Variants in ALOX15 observed in about 807,000 individuals in gnomAD.
ALOX15 encodes the protein polyunsaturated fatty acid lipoxygenase ALOX15.
In ALOX15, 68 loss-of-function variants were observed where a neutral mutation model predicts 71.7. The ratio of observed to expected loss-of-function variants is 0.95; its 90% CI spans 0.78 to 1.16. The LOEUF (loss-of-function observed/expected upper bound fraction) is 1.16. Ranked by LOEUF, ALOX15 falls within the 50% of genes most tolerant of loss-of-function variation. The probability of loss-of-function intolerance (pLI) is 0.00; values close to 1 mark genes in which losing one functional copy is unlikely to be tolerated. For synonymous variants in ALOX15, 346 were observed against 333.3 expected (o/e 1.04, Z -0.42); for missense variants, 798 against 818.8 (o/e 0.97, Z 0.31).
At chr17:4,639,844 G>GGTGC (rs1911256422) in intron 1 of ALOX15, 1 of 550,612 alleles carries the variant, frequency 1.8e-6, no homozygotes, top group Admixed American at 3.4e-5. Flanking sequence ...CAGGTGGGAA[G>GGTGC]GTGCGCTCCT....
intron 8 of ALOX15, among the ~76,000 whole-genome samples, chr17:4,633,945 T>C (rs985794744): frequency 2.6e-5 from 4 of 152,168 alleles, no homozygotes; most frequent in Admixed American, 2.6e-4. Flanking sequence ...AAGCCAAATA[T>C]GGTATGTTCT....
chr17:4,631,813 T>C (rs368917713), intron 13 of ALOX15, 34 bp from the exon 14 acceptor site: 5 of 1,612,356 alleles, frequency 3.1e-6, no homozygotes, highest in Non-Finnish European at 4.2e-6. Context: ...CTGAGAGCCT[T>C]ATGACCCCCA....
Position 4,641,665 on chromosome 17 carries a change from G to A in ALOX15, c.-14C>T. On this transcript the variant is annotated 5_prime_UTR_variant, in exon 1 of 14. Transcript: ENST00000293761. ...GTAGAGACCCATCTTGCTCAAAGATGTTTCGCTCCTTCTGGTGGAGAAGGG... is the reference window on the plus strand; with the variant it reads ...GTAGAGACCCATCTTGCTCAAAGATATTTCGCTCCTTCTGGTGGAGAAGGG... 6.4e-7 allele frequency: 1 copy of A among 1,561,656 alleles called. No homozygotes were observed. The highest frequency in any genetic ancestry group is 8.6e-7 in the Non-Finnish European group (1 of 1,161,194).
intron 2 of ALOX15, 26 bp from the exon 3 acceptor site, chr17:4,639,158 C>T (rs766329494): frequency 1.2e-6 from 2 of 1,613,726 alleles, no homozygotes; most frequent in South Asian, 2.2e-5. Context: ...AGGACTTGGC[C>T]AGTGACTTTT....
In ALOX15 at chr17:4,635,430, C is replaced by CAA. The variant is rs56193749; in HGVS notation, c.1161+327_1161+328dup. On this transcript the variant is annotated intron_variant, in intron 8 of 13. Transcript: ENST00000293761. ...GTCTGGGCAAAGGGAGACTCCATCT[C>CAA]AAAAAAAAAAAAAAAATCAATGTCT... 1.2e-3 allele frequency among the ~76,000 whole-genome samples: 163 copies of CAA among 131,188 alleles called. 1 individual carries two copies. Among genetic ancestry groups the CAA allele is most frequent in the African/African-American group, 4.7e-3 (157 of 33,530 alleles). The allele number at this position is 131,188 out of a possible 152,430, so 86.1% of individuals were successfully genotyped here. A position where few individuals can be genotyped will look rare whatever the true frequency, so the allele number is the denominator to read the frequency against.
intron 7 of ALOX15, 119 bp from the exon 8 acceptor site, chr17:4,636,087 T>C (rs553467342): frequency 4.6e-6 from 5 of 1,092,348 alleles, no homozygotes; most frequent in African/African-American, 1.6e-5. Flanking sequence ...TTTCCCCATC[T>C]CACTCCTGCC....
Position 4,633,170 on chromosome 17 carries a change from A to G in ALOX15, c.1394T>C (p.Leu465Pro). The G allele has an allele frequency of 6.2e-7, 1 of 1,614,100 alleles. No homozygotes were observed. Among genetic ancestry groups the G allele is most frequent in the Non-Finnish European group, 8.5e-7 (1 of 1,179,990 alleles). Residue 465 changes from leucine to proline, a missense_variant, in exon 10 of 14, where the codon CTG (leucine) becomes CCG (proline). By Grantham distance (98) the Leu-to-Pro change is moderately conservative. This residue lies in a region of ALOX15 where 490 missense variants were observed against 509.4 expected (regional missense o/e 0.96). Transcript: ENST00000293761. ...CCGATAGATGATTTCCCAGAGCCGC[A>G]GCGCATCTTGGGCATAGAAGGAAGA... ...VKSSFYAQDALRLWEIIYRYV... is the reference protein window; with the variant it reads ...VKSSFYAQDAPRLWEIIYRYV...
In ALOX15 at chr17:4,632,902, C is replaced by T. The variant is rs920143506; in HGVS notation, c.1499G>A (p.Arg500Gln). The T allele has an allele frequency of 2.5e-6, 4 of 1,613,980 alleles. No homozygotes were observed. Among genetic ancestry groups the T allele is most frequent in the African/African-American group, 1.3e-5 (1 of 74,896 alleles). ...TTGCAGCCCGATTTCAGTGATCTCT[C>T]GACACCAGGTCTGCAGCTCTGGGTC... ...KDDPELQTWC[R>Q]EITEIGLQGA... The change falls in exon 11 of 14, where the codon CGA becomes CAA. Residue 500 changes from arginine (R) to glutamine (Q), a missense_variant. Coordinates refer to ENST00000293761, the MANE Select transcript of ALOX15 (RefSeq NM_001140.5).
rs1046202132 is a variant in ALOX15, at chr17:4,633,141, C to T, written c.1418+5G>A. ...CACCCCCACTGGCCTTCCCGCTTGC[C>T]TCACCGATAGATGATTTCCCAGAGC... On this transcript the variant is annotated splice_donor_5th_base_variant and intron_variant, in intron 10 of 13. Coordinates refer to ENST00000293761, the MANE Select transcript of ALOX15 (RefSeq NM_001140.5). 1 of 1,613,318 alleles carries T rather than the reference C, an allele frequency of 6.2e-7. No homozygotes were observed. Among genetic ancestry groups the T allele is most frequent in the Non-Finnish European group, 8.5e-7 (1 of 1,179,460 alleles).
At chr17:4,637,301 A>T in intron 6 of ALOX15, 43 bp from the exon 7 acceptor site, 2 of 1,568,946 alleles carry the variant, frequency 1.3e-6, no homozygotes, top group Non-Finnish European at 1.7e-6. Flanking sequence ...AACATAAAGC[A>T]TCTTCTTCCT....
At chr17:4,639,211 CCCGT>C in intron 2 of ALOX15, 79 bp from the exon 3 acceptor site, 2 of 1,558,460 alleles carry the variant, frequency 1.3e-6, no homozygotes, top group Non-Finnish European at 1.8e-6. Flanking sequence ...GCCTCAGCAC[CCCGT>C]CCTTCTGTGT....
intron 11 of ALOX15, 98 bp downstream of exon 11, chr17:4,632,763 T>C (rs1025022043): frequency 4.4e-5 from 69 of 1,576,676 alleles, no homozygotes; most frequent in Middle Eastern, 1.7e-4. Flanking sequence ...CTCATAGGTG[T>C]TGAAAATGCT....
At chr17:4,634,576 C>T (rs1298567469) in intron 8 of ALOX15, among the ~76,000 whole-genome samples, 1 of 152,022 alleles carries the variant, frequency 6.6e-6, no homozygotes, top group African/African-American at 2.4e-5. Flanking sequence ...TAATCTCACT[C>T]CACCTCATTA....
Position 4,633,504 on chromosome 17 carries a change from G to C in ALOX15, c.1162-4C>G. The C allele has an allele frequency of 6.2e-7, 1 of 1,613,142 alleles. No individual in the cohort carries two copies. ...ATCGCAGGTGGGGAATTATAAGCTA[G>C]AGGGAGAAACACAGGGAAGGGCAGA... On this transcript the variant is annotated splice_polypyrimidine_tract_variant and splice_region_variant and intron_variant, in intron 8 of 13. Coordinates refer to ENST00000293761, the MANE Select transcript of ALOX15 (RefSeq NM_001140.5).
Position 4,639,038 on chromosome 17 carries a change from G to A in ALOX15, c.419+13C>T. On this transcript the variant is annotated intron_variant, in intron 3 of 13. Transcript: ENST00000293761. ...ATCAGCAGCTCACGTGGGGTCAGGG[G>A]AGGAGGGCTCACCGGTACAACTTCC... 6.2e-7 allele frequency: 1 copy of A among 1,614,202 alleles called. No individual in the cohort carries two copies. The highest frequency in any genetic ancestry group is 2.2e-5 in the East Asian group (1 of 44,882).
At chr17:4,638,750 C>G (rs912403170) in intron 4 of ALOX15, 66 bp from the exon 5 acceptor site, 1 of 1,613,046 alleles carries the variant, frequency 6.2e-7, no homozygotes, top group Non-Finnish European at 8.5e-7. Flanking sequence ...CGACCACAGG[C>G]ACCGATCCTG....
Position 4,636,658 on chromosome 17 carries a change from A to T in ALOX15, c.951+457T>A, listed in dbSNP as rs1190141886. 3.3e-5 allele frequency among the ~76,000 whole-genome samples: 5 copies of T among 152,218 alleles called. No homozygotes were observed. In the East Asian group the frequency reaches 9.7e-4, roughly 29 times the overall value. On this transcript the variant is annotated intron_variant, in intron 7 of 13. Coordinates refer to ENST00000293761, the MANE Select transcript of ALOX15 (RefSeq NM_001140.5). ...ACTGCCCACACCGCGTGCCCACAGC[A>T]CGTTTCATCACGGCCTTCTCCAGCT...
rs1406443408 is a variant in ALOX15 at position 4,639,373 on chromosome 17, C to T, written c.337+57G>A. 7 of 1,591,904 alleles carry T rather than the reference C, an allele frequency of 4.4e-6. No individual in the cohort carries two copies. The Admixed American group carries it at 6.8e-5, about 15-fold the overall frequency. On this transcript the variant is annotated intron_variant, in intron 2 of 13. Transcript: ENST00000293761. Reference sequence around the variant, plus strand: ...TGCGCCCTCTTCTCCACACGCGCATCCCCCCAGCTTCTCACACAGCCCAGA... The same window carrying T: ...TGCGCCCTCTTCTCCACACGCGCATTCCCCCAGCTTCTCACACAGCCCAGA...
Position 4,633,109 on chromosome 17 carries a change from C to G in ALOX15, c.1418+37G>C, listed in dbSNP as rs1461714316. ...GCTCTCCTACATGTCTTCTCCACCC[C>G]CACTTGCACCCCCACTGGCCTTCCC... On this transcript the variant is annotated intron_variant, in intron 10 of 13. Transcript: ENST00000293761. 1.9e-6 allele frequency: 3 copies of G among 1,608,788 alleles called. No individual in the cohort carries two copies. The African/African-American group carries it at 4.0e-5, about 22-fold the overall frequency.
Sources: gnomAD v4.1 joint callset for allele counts (sites outside exome capture counted in the v4.1 genomes callset) on GRCh38, gnomAD v4.1.1 for gene constraint, gnomAD v4.1.1 regional missense constraint, MANE v1.5 for transcripts, NCBI Gene and HGNC (gene_info 2026-07-23, HGNC 2026-07-21) for gene names.